Variants in PCDHA1 observed in about 807,000 individuals in gnomAD.
PCDHA1 encodes protocadherin alpha 1, also known as protocadherin alpha-1.
A neutral mutation model predicts 61.3 loss-of-function variants in PCDHA1; 42 were observed. That is an observed-to-expected ratio of 0.69 (90% confidence interval 0.54 to 0.89). PCDHA1 has a LOEUF of 0.89. Ranked by LOEUF, PCDHA1 falls within the 40% of genes least tolerant of loss-of-function variation. The pLI, the probability that PCDHA1 is intolerant of heterozygous loss-of-function variation, is 0.00. For missense variants in PCDHA1, 1,256 were observed against 1,235.3 expected (o/e 1.02, Z -0.25); for synonymous variants, 610 against 553.8 (o/e 1.10, Z -1.43).
At chr5:140,877,810 C>A (rs782370638) in intron 1 of PCDHA1, 9 of 1,610,248 alleles carry the variant, frequency 5.6e-6, no homozygotes, top group Non-Finnish European at 6.8e-6. Flanking sequence ...TCAGCTGTCT[C>A]GAGAAGATTG....
Position 140,866,315 on chromosome 5 carries a change from A to C in PCDHA1, c.2394+77631A>C, listed in dbSNP as rs529442584. On this transcript the variant is annotated intron_variant, in intron 1 of 3. Transcript: ENST00000504120. ...GTATAGATGTTGATATTATTATTTC[A>C]GGGACCCTGAACTTGGCCAAAGGAT... The C allele has an allele frequency of 2.6e-5, 4 of 152,278 alleles. No individual in the cohort carries two copies. The East Asian group carries it at 7.7e-4, about 29-fold the overall frequency. 9.4% of individuals were successfully genotyped at this position (152,278 alleles called of 1,614,324 possible).
intron 1 of PCDHA1, among the ~76,000 whole-genome samples, chr5:140,921,888 AAGG>A (rs1354196773): frequency 2.0e-5 from 3 of 152,090 alleles, no homozygotes; most frequent in African/African-American, 7.2e-5. Flanking sequence ...AGATTTTAGA[AAGG>A]AGGATAAATA....
chr5:140,908,050 G>A (rs1554193217), intron 1 of PCDHA1, among the ~76,000 whole-genome samples: 1 of 152,120 alleles, frequency 6.6e-6, no homozygotes, highest in African/African-American at 2.4e-5. Context: ...TGCACATCCG[G>A]CCATTTCTCC....
chr5:140,822,884 T>A (rs2150120043), intron 1 of PCDHA1: 1 of 1,614,242 alleles, frequency 6.2e-7, no homozygotes, highest in Admixed American at 1.7e-5. Context: ...GTCATTGCTC[T>A]GATCAGCGTG....
chr5:140,825,415 A>T (rs1768562356), intron 1 of PCDHA1: 1 of 146,776 alleles, frequency 6.8e-6, no homozygotes. Flanking sequence ...TATTTTATAT[A>T]ATATATATAA....
At chr5:140,857,178 A>T (rs782349051) in intron 1 of PCDHA1, 2 of 1,598,472 alleles carry the variant, frequency 1.3e-6, no homozygotes, top group African/African-American at 2.7e-5. Flanking sequence ...TCTGACCATG[A>T]TTCAGGAGCC....
chr5:140,796,586 G>T, intron 1 of PCDHA1: 1 of 1,613,394 alleles, frequency 6.2e-7, no homozygotes. Flanking sequence ...CGGGATGCGG[G>T]CGTGCCGCCT....
At chr5:140,943,083 C>A (rs1444637785) in intron 1 of PCDHA1, among the ~76,000 whole-genome samples, 1 of 151,532 alleles carries the variant, frequency 6.6e-6, no homozygotes, top group African/African-American at 2.4e-5. Flanking sequence ...ATGGTGAAAT[C>A]CTGCCTCTAC....
chr5:140,987,214 A>G (rs78124050), intron 3 of PCDHA1, among the ~76,000 whole-genome samples: 3 of 131,916 alleles, frequency 2.3e-5, no homozygotes, highest in Admixed American at 2.2e-4. Context: ...ACTCCATCTC[A>G]AAAAAAAAAA....
At chr5:140,958,759 A>G (rs1254935099) in intron 1 of PCDHA1, among the ~76,000 whole-genome samples, 2 of 152,112 alleles carry the variant, frequency 1.3e-5, no homozygotes, top group African/African-American at 4.8e-5. Flanking sequence ...ATTTTTACCC[A>G]TTTCTGTTTG....
chr5:140,827,955 C>T, intron 1 of PCDHA1: 3 of 1,286,522 alleles, frequency 2.3e-6, no homozygotes, highest in Non-Finnish European at 3.2e-6. Flanking sequence ...ATTCAAATTT[C>T]TTCTATTACT....
At chr5:140,898,720 T>C (rs1343662110) in intron 1 of PCDHA1, among the ~76,000 whole-genome samples, 5 of 152,214 alleles carry the variant, frequency 3.3e-5, no homozygotes, top group African/African-American at 4.8e-5. Flanking sequence ...TTTCCAATTC[T>C]GTGAAGAAAG....
At chr5:140,829,218 A>G in intron 1 of PCDHA1, 1 of 1,614,180 alleles carries the variant, frequency 6.2e-7, no homozygotes, top group Non-Finnish European at 8.5e-7. Context: ...AGCGTGAACG[A>G]CCTCGATTCA....
chr5:140,869,442 G>A (rs782686984), intron 1 of PCDHA1: 3 of 1,614,208 alleles, frequency 1.9e-6, no homozygotes, highest in African/African-American at 1.3e-5. Flanking sequence ...TGGACAGGCC[G>A]CTGCAGGTTT....
Position 140,915,626 on chromosome 5 carries a change from G to GTCTCTCTC in PCDHA1, c.2395-63300_2395-63293dup, listed in dbSNP as rs57920489. Among the ~76,000 whole-genome samples the GTCTCTCTC allele has an allele frequency of 4.4e-3, 648 of 146,532 alleles. 6 individuals carry two copies. Among genetic ancestry groups the GTCTCTCTC allele is most frequent in the East Asian group, 0.011 (51 of 4,846 alleles). Reference sequence around the variant, plus strand: ...ACTTTCTGTCAAACAGTCTCTTTCTGTCTCTCTCTCTCTCTCTCTCTCTCT... The same window carrying GTCTCTCTC: ...ACTTTCTGTCAAACAGTCTCTTTCTGTCTCTCTCTCTCTCTCTCTCTCTCTCTCTCTCT... On this transcript the variant is annotated intron_variant, in intron 1 of 3. Transcript: ENST00000504120.
At chr5:140,844,298 G>A (rs1779310568) in intron 1 of PCDHA1, among the ~76,000 whole-genome samples, 1 of 149,300 alleles carries the variant, frequency 6.7e-6, no homozygotes, top group Admixed American at 6.7e-5. Flanking sequence ...AAATTTGATA[G>A]TTTTCATATT....
chr5:140,830,385 C>G, intron 1 of PCDHA1: 2 of 1,614,120 alleles, frequency 1.2e-6, no homozygotes, highest in Non-Finnish European at 1.7e-6. Flanking sequence ...GAGGGCCCAC[C>G]CAAGATGGAT....
chr5:140,983,275 A>C (rs1279699182), intron 3 of PCDHA1, among the ~76,000 whole-genome samples: 1 of 152,230 alleles, frequency 6.6e-6, no homozygotes, highest in Non-Finnish European at 1.5e-5. Flanking sequence ...TGGCTGGGTG[A>C]GTATAGGAAA....
intron 1 of PCDHA1, chr5:140,816,268 T>C (rs1765873887): frequency 3.9e-5 from 6 of 152,238 alleles, no homozygotes; most frequent in Admixed American, 3.9e-4. Context: ...GACTCATTCT[T>C]CTACTTGATT....
Sources: allele counts gnomAD v4.1 joint callset (sites outside exome capture counted in the v4.1 genomes callset), GRCh38; gene constraint gnomAD v4.1.1; transcripts MANE v1.5; gene names NCBI Gene and HGNC (gene_info 2026-07-23, HGNC 2026-07-21).